The following DSCAM variants were observed in gnomAD, a reference collection of about 807,000 sequenced individuals.
DSCAM encodes cell adhesion molecule DSCAM.
DSCAM carries 47 observed loss-of-function variants against 217.7 expected under a neutral mutation model. The ratio of observed to expected loss-of-function variants is 0.22; its 90% CI spans 0.17 to 0.28. The LOEUF is 0.28. Among genes scored for constraint, DSCAM ranks in the 10% least tolerant of loss-of-function variants. DSCAM has a pLI of 1.00. For missense variants in DSCAM, 2,080 were observed against 2,618.3 expected, an observed-to-expected ratio of 0.79 and a Z score of 4.49; for synonymous variants, 1,056 against 1,015.3, an observed-to-expected ratio of 1.04 and a Z score of -0.76.
At chr21:40,716,946 T>C (rs1441610759) in intron 1 of DSCAM, among the ~76,000 whole-genome samples, 1 of 152,142 alleles carries the variant, frequency 6.6e-6, no homozygotes, top group South Asian at 2.1e-4. Context: ...GCATAAGTGA[T>C]AGAGAAACTA....
intron 3 of DSCAM, among the ~76,000 whole-genome samples, chr21:40,420,464 C>A (rs906664925): frequency 6.6e-6 from 1 of 152,056 alleles, no homozygotes; most frequent in African/African-American, 2.4e-5. Flanking sequence ...CTGAGGAAAA[C>A]TGAGGGAATC....
intron 9 of DSCAM, 138 bp from the exon 10 acceptor site, chr21:40,296,312 A>G: frequency 9.3e-7 from 1 of 1,079,944 alleles, no homozygotes; most frequent in Non-Finnish European, 1.3e-6. Context: ...TAAAAACACT[A>G]TTGGCAGTTT....
At position 40,359,049 on chromosome 21, in the gene DSCAM, T is replaced by A. The variant is rs557191482; in HGVS notation, c.656-5306A>T. On this transcript the variant is annotated intron_variant, in intron 4 of 32. Coordinates refer to ENST00000400454, the MANE Select transcript of DSCAM (RefSeq NM_001389.5). ...AAAAGATGCTCAATATTACTAGGCA[T>A]TAGGGTAATATGAATTAAAATCACA... is the stretch of plus-strand genomic sequence containing the variant. Among the ~76,000 whole-genome samples the A allele has an allele frequency of 1.2e-4, 19 of 152,250 alleles. No homozygotes were observed. The South Asian group carries it at 3.7e-3, about 30-fold the overall frequency.
chr21:40,309,320 C>T (rs534733300), intron 9 of DSCAM, among the ~76,000 whole-genome samples: 16 of 152,314 alleles, frequency 1.1e-4, no homozygotes, highest in African/African-American at 3.6e-4. Context: ...TATCCATCTT[C>T]CTAAACCAGT....
chr21:40,674,913 G>T (rs1380477824), intron 3 of DSCAM, among the ~76,000 whole-genome samples: 2 of 151,934 alleles, frequency 1.3e-5, no homozygotes, highest in Non-Finnish European at 2.9e-5. Context: ...GTGAGCCACC[G>T]CGCCCGGCCC....
intron 3 of DSCAM, among the ~76,000 whole-genome samples, chr21:40,679,236 T>C (rs1358367921): frequency 2.6e-5 from 4 of 152,226 alleles, no homozygotes; most frequent in Admixed American, 2.0e-4. Flanking sequence ...ACCACTCTCA[T>C]GGAAAAGTTT....
At chr21:40,348,286 C>CAAT (rs59041470) in intron 5 of DSCAM, among the ~76,000 whole-genome samples, 18 of 57,824 alleles carry the variant, frequency 3.1e-4, no homozygotes, top group South Asian at 4.8e-4. Context: ...GCAATCATAC[C>CAAT]CCAGAGAGTT....
intron 3 of DSCAM, among the ~76,000 whole-genome samples, chr21:40,624,921 G>T (rs954933360): frequency 6.6e-6 from 1 of 152,044 alleles, no homozygotes; most frequent in African/African-American, 2.4e-5. Context: ...ATAACATAAA[G>T]AAAATTCTTT....
chr21:40,157,442 T>C (rs1554941), intron 16 of DSCAM, among the ~76,000 whole-genome samples: 97,970 of 152,102 alleles, frequency 0.64, 32,204 homozygotes, highest in South Asian at 0.74. Context: ...GAGGCACTAC[T>C]AAGAAAGGAG....
intron 20 of DSCAM, among the ~76,000 whole-genome samples, chr21:40,102,637 T>C (rs1299023546): frequency 6.6e-6 from 1 of 152,230 alleles, no homozygotes; most frequent in Non-Finnish European, 1.5e-5. Flanking sequence ...ATGTGTAAGA[T>C]GCTTTTGACC....
chr21:40,221,613 T>A (rs2146904547), intron 11 of DSCAM, among the ~76,000 whole-genome samples: 1 of 152,164 alleles, frequency 6.6e-6, no homozygotes, highest in South Asian at 2.1e-4. Context: ...TCAGAGCTAT[T>A]TTCAGAATAA....
intron 3 of DSCAM, among the ~76,000 whole-genome samples, chr21:40,591,822 G>A (rs929326188): frequency 2.0e-5 from 3 of 152,120 alleles, no homozygotes; most frequent in East Asian, 1.9e-4. Context: ...AAATGCATTC[G>A]ATTTCTAATA....
chr21:40,758,287 C>T (rs149596878), intron 1 of DSCAM, among the ~76,000 whole-genome samples: 234 of 152,212 alleles, frequency 1.5e-3, no homozygotes, highest in African/African-American at 4.6e-3. Flanking sequence ...CACTTTGTTA[C>T]GGCTGTCCTA....
At chr21:40,737,791 C>A (rs2091079921) in intron 1 of DSCAM, among the ~76,000 whole-genome samples, 2 of 152,176 alleles carry the variant, frequency 1.3e-5, no homozygotes, top group African/African-American at 4.8e-5. Context: ...CTGGCCACAT[C>A]CAGCATCCAG....
chr21:40,504,867 A>T (rs906049865), intron 3 of DSCAM, among the ~76,000 whole-genome samples: 1 of 151,890 alleles, frequency 6.6e-6, no homozygotes, highest in Non-Finnish European at 1.5e-5. Flanking sequence ...AAATCTTTTT[A>T]TTTGTATTTA....
intron 24 of DSCAM, among the ~76,000 whole-genome samples, chr21:40,083,031 G>A (rs1008499945): frequency 6.6e-5 from 10 of 152,134 alleles, no homozygotes; most frequent in South Asian, 2.1e-4. Context: ...CTCTCTCCCC[G>A]GCCCTGGGAC....
At chr21:40,430,416 G>A (rs1270114813) in intron 3 of DSCAM, among the ~76,000 whole-genome samples, 1 of 152,192 alleles carries the variant, frequency 6.6e-6, no homozygotes, top group Non-Finnish European at 1.5e-5. Context: ...CAAATATTAA[G>A]CAGGCAGAAA....
chr21:40,440,767 C>T (rs947391331), intron 3 of DSCAM, among the ~76,000 whole-genome samples: 38 of 141,624 alleles, frequency 2.7e-4, no homozygotes, highest in Admixed American at 1.6e-3. Flanking sequence ...TGACACTGAG[C>T]AACGTAGCCT....
At position 40,039,308 on chromosome 21, in the gene DSCAM, TC is replaced by T. The variant is rs1202346243; in HGVS notation, c.5686+3062del. Among the ~76,000 whole-genome samples, 1,406 of 141,742 alleles carry T rather than the reference TC, an allele frequency of 9.9e-3. 21 individuals are homozygous for T. The highest frequency in any genetic ancestry group is 0.033 in the African/African-American group (1,320 of 40,224). The allele number at this position is 141,742 out of a possible 152,430, so 93.0% of individuals were successfully genotyped here. On this transcript the variant is annotated intron_variant, in intron 32 of 32. Coordinates refer to ENST00000400454, the MANE Select transcript of DSCAM (RefSeq NM_001389.5). ...TTAAATTATGCAGATGAAATAAAAA[TC>T]AAAAAAAAAAAGAATGGAAAATAAG...
Sources: allele counts gnomAD v4.1 joint callset (sites outside exome capture counted in the v4.1 genomes callset), GRCh38; gene constraint gnomAD v4.1.1; transcripts MANE v1.5; gene names NCBI Gene and HGNC (gene_info 2026-07-23, HGNC 2026-07-21).